The following BAZ1B variants were observed in gnomAD, a reference collection of about 807,000 sequenced individuals.
The protein encoded by BAZ1B is tyrosine-protein kinase BAZ1B.
In BAZ1B, 22 loss-of-function variants were observed where a neutral mutation model predicts 153.8. The ratio of observed to expected loss-of-function variants is 0.14; its 90% CI spans 0.10 to 0.20. The LOEUF is 0.20. BAZ1B is among the 10% of genes least tolerant of loss of function. BAZ1B has a pLI of 1.00. For synonymous variants in BAZ1B, 676 were observed against 633.4 expected, an observed-to-expected ratio of 1.07 and a Z score of -1.01; for missense variants, 1,325 against 1,799.3, an observed-to-expected ratio of 0.74 and a Z score of 4.77.
chr7:73,443,434 C>T (rs1258565607), intron 17 of BAZ1B, among the ~76,000 whole-genome samples: 1 of 152,196 alleles, frequency 6.6e-6, no homozygotes, highest in Non-Finnish European at 1.5e-5. Context: ...TGTGGCAAAC[C>T]GAGCATCTTC....
At chr7:73,463,241 T>G in intron 11 of BAZ1B, 142 bp from the exon 12 acceptor site, 1 of 238,276 alleles carries the variant, frequency 4.2e-6, no homozygotes, top group Non-Finnish European at 6.6e-6. Flanking sequence ...TCTTTTTTCT[T>G]TTTTTTTTTT....
At position 73,521,925 on chromosome 7, in the gene BAZ1B, C is replaced by G; in HGVS notation, c.9G>C (p.Pro3=). ...GCGGGAAGGGCTTGCGGCCCAGGAGCGGCGCCATCGCGGCGGCGGCGGTGG... is the reference window on the plus strand; with the variant it reads ...GCGGGAAGGGCTTGCGGCCCAGGAGGGGCGCCATCGCGGCGGCGGCGGTGG... The part of the protein sequence containing the change: MA[P]LLGRKPFPLV... Residue 3 remains proline (P), a synonymous_variant, in exon 1 of 20, where the codon CCG becomes CCC. Transcript: ENST00000339594. The G allele has an allele frequency of 6.8e-7, 1 of 1,463,502 alleles. No homozygotes were observed. Among genetic ancestry groups the G allele is most frequent in the Non-Finnish European group, 9.1e-7 (1 of 1,100,338 alleles). 90.7% of individuals were successfully genotyped at this position (1,463,502 alleles called of 1,614,324 possible). A position where few individuals can be genotyped will look rare whatever the true frequency, so the allele number is the denominator to read the frequency against.
chr7:73,485,323 T>C (rs541103245), intron 6 of BAZ1B, among the ~76,000 whole-genome samples: 1 of 152,170 alleles, frequency 6.6e-6, no homozygotes, highest in Non-Finnish European at 1.5e-5. Context: ...TTCGTGTGTA[T>C]ATAGACAGCA....
intron 7 of BAZ1B, among the ~76,000 whole-genome samples, chr7:73,474,862 T>C (rs1448144604): frequency 6.6e-6 from 1 of 152,150 alleles, no homozygotes; most frequent in Non-Finnish European, 1.5e-5. Flanking sequence ...ATCTAGAATA[T>C]ATACAGAACT....
At chr7:73,505,049 C>T (rs1790280199) in intron 3 of BAZ1B, among the ~76,000 whole-genome samples, 1 of 152,156 alleles carries the variant, frequency 6.6e-6, no homozygotes, top group South Asian at 2.1e-4. Context: ...TATTCCCTCC[C>T]TCTTCTCTCT....
chr7:73,458,427 G>A (rs982910503), intron 13 of BAZ1B, among the ~76,000 whole-genome samples: 2 of 152,160 alleles, frequency 1.3e-5, no homozygotes, highest in Admixed American at 1.3e-4. Flanking sequence ...TGTAATCCTA[G>A]TACTTTGGGA....
chr7:73,442,135 C>CAG, intron 19 of BAZ1B, 46 bp downstream of exon 19: 2 of 615,048 alleles, frequency 3.3e-6, no homozygotes, highest in Non-Finnish European at 5.9e-6. Flanking sequence ...CCTCGCTCGC[C>CAG]TCCCTCCCAC....
chr7:73,466,921 G>T (rs555992726), intron 9 of BAZ1B, among the ~76,000 whole-genome samples: 13 of 152,056 alleles, frequency 8.5e-5, no homozygotes, highest in South Asian at 8.3e-4. Context: ...ACAATATTTG[G>T]TTTTTTGTTT....
At chr7:73,442,936 T>A (rs782322347) in intron 17 of BAZ1B, 108 bp from the exon 18 acceptor site, 7 of 863,526 alleles carry the variant, frequency 8.1e-6, no homozygotes, top group African/African-American at 3.4e-5. Flanking sequence ...GTTCAACTAT[T>A]TCCTTGGCGC....
chr7:73,465,696 T>C (rs1185724676), intron 10 of BAZ1B, among the ~76,000 whole-genome samples, 159 bp from the exon 11 acceptor site: 1 of 152,214 alleles, frequency 6.6e-6, no homozygotes, highest in African/African-American at 2.4e-5. Context: ...TAATTTACTA[T>C]TTTCATGATG....
intron 1 of BAZ1B, among the ~76,000 whole-genome samples, chr7:73,515,676 C>T (rs1354974033): frequency 6.6e-6 from 1 of 151,840 alleles, no homozygotes; most frequent in Non-Finnish European, 1.5e-5. Flanking sequence ...TAATTGGGAC[C>T]ACAGGCAAAC....
At chr7:73,490,485 ACTAT>A (rs1227522996) in intron 5 of BAZ1B, among the ~76,000 whole-genome samples, 1 of 152,198 alleles carries the variant, frequency 6.6e-6, no homozygotes, top group Non-Finnish European at 1.5e-5. Flanking sequence ...GACATCAGAT[ACTAT>A]CTCTTTCTTA....
intron 8 of BAZ1B, 145 bp downstream of exon 8, chr7:73,470,200 C>G: frequency 1.0e-6 from 1 of 966,790 alleles, no homozygotes; most frequent in Non-Finnish European, 1.5e-6. Flanking sequence ...AGTTAATATT[C>G]AATAATCATC....
chr7:73,462,272 T>C (rs1221916103), intron 12 of BAZ1B, among the ~76,000 whole-genome samples: 1 of 152,210 alleles, frequency 6.6e-6, no homozygotes, highest in African/African-American at 2.4e-5. Flanking sequence ...TCATAGTGCA[T>C]GAGGAATTTG....
chr7:73,485,071 T>C (rs1789351127), intron 6 of BAZ1B, among the ~76,000 whole-genome samples: 1 of 152,170 alleles, frequency 6.6e-6, no homozygotes, highest in Non-Finnish European at 1.5e-5. Context: ...ACAACTGTAC[T>C]GTAGTTACGT....
At chr7:73,460,404 G>GT (rs1428187502) in intron 12 of BAZ1B, among the ~76,000 whole-genome samples, 2 of 151,860 alleles carry the variant, frequency 1.3e-5, no homozygotes, top group East Asian at 1.9e-4. Flanking sequence ...CCATCTTAAT[G>GT]TTTTTTTAAT....
intron 1 of BAZ1B, among the ~76,000 whole-genome samples, chr7:73,512,359 G>A (rs1247555516): frequency 7.3e-5 from 11 of 151,282 alleles, no homozygotes; most frequent in African/African-American, 2.4e-4. Context: ...TGTGTGGCCC[G>A]AGACAATTCT....
At chr7:73,513,319 A>G (rs1554578838) in intron 1 of BAZ1B, among the ~76,000 whole-genome samples, 1 of 152,212 alleles carries the variant, frequency 6.6e-6, no homozygotes, top group East Asian at 1.9e-4. Context: ...AAACAAGAAC[A>G]AACCCACAGG....
intron 13 of BAZ1B, among the ~76,000 whole-genome samples, 166 bp from the exon 14 acceptor site, chr7:73,451,160 C>T (rs956482252): frequency 6.6e-6 from 1 of 152,204 alleles, no homozygotes; most frequent in Non-Finnish European, 1.5e-5. Flanking sequence ...GGGAAAAAAA[C>T]TTGCCAAAGG....
Sources: gnomAD v4.1 joint callset for allele counts (sites outside exome capture counted in the v4.1 genomes callset) on GRCh38, gnomAD v4.1.1 for gene constraint, MANE v1.5 for transcripts, NCBI Gene and HGNC (gene_info 2026-07-23, HGNC 2026-07-21) for gene names.